The following PRDM6 variants were observed in gnomAD, a reference collection of about 807,000 sequenced individuals.
PRDM6 encodes PR/SET domain 6.
In PRDM6, 25 loss-of-function variants were observed where a neutral mutation model predicts 60.8. The ratio of observed to expected loss-of-function variants is 0.41; its 90% confidence interval spans 0.30 to 0.57. The LOEUF (loss-of-function observed/expected upper bound fraction) is 0.57. Ranked by LOEUF, PRDM6 falls within the 20% of genes least tolerant of loss-of-function variation. The pLI, the probability that PRDM6 is intolerant of heterozygous loss-of-function variation, is 0.27. For synonymous variants in PRDM6, 407 were observed against 357.4 expected, an observed-to-expected ratio of 1.14 and a Z score of -1.57; for missense variants, 839 against 821.3, an observed-to-expected ratio of 1.02 and a Z score of -0.26.
At chr5:123,172,556 G>A (rs1765916782) in intron 6 of PRDM6, among the ~76,000 whole-genome samples, 1 of 152,114 alleles carries the variant, frequency 6.6e-6, no homozygotes, top group Admixed American at 6.5e-5. Flanking sequence ...GCAAGTATAC[G>A]TAGAACCTCA....
chr5:123,153,721 AG>A (rs1378368371), intron 3 of PRDM6, among the ~76,000 whole-genome samples: 11 of 152,242 alleles, frequency 7.2e-5, no homozygotes, highest in Non-Finnish European at 1.3e-4. Flanking sequence ...CTGAAACAAG[AG>A]TGTAGGGGGA....
intron 5 of PRDM6, among the ~76,000 whole-genome samples, chr5:123,162,943 A>G (rs1054210953): frequency 6.6e-6 from 1 of 152,252 alleles, no homozygotes; most frequent in Non-Finnish European, 1.5e-5. Flanking sequence ...GTAAAAGGGC[A>G]TGGGCAGATA....
chr5:123,170,882 A>G lies in PRDM6; in HGVS notation c.1270A>G (p.Thr424Ala), dbSNP rs376133768. The G allele has an allele frequency of 1.9e-4, 293 of 1,551,804 alleles. 1 individual carries two copies. Among genetic ancestry groups the G allele is most frequent in the Non-Finnish European group, 2.4e-4 (279 of 1,147,064 alleles). Residue 424 changes from threonine (T) to alanine (A), a missense_variant, in exon 6 of 8, where the codon ACT becomes GCT. Physicochemically the swap from Thr to Ala is moderately conservative, Grantham distance 58. Around this residue, in one of 2 missense-constraint regions of PRDM6, gnomAD observed 730 missense variants for 648.8 expected, o/e 1.13. Coordinates refer to ENST00000407847, the MANE Select transcript of PRDM6 (RefSeq NM_001136239.4). ...GCAGCGCTCCGTTGTTTTCCCCCAG[A>G]CTCCGTGCAGCAGGAACTTCTCTCT... is the stretch of plus-strand genomic sequence containing the variant. ...TQQRSVVFPQ[T>A]PCSRNFSLLD...
intron 2 of PRDM6, among the ~76,000 whole-genome samples, chr5:123,094,524 T>C (rs1023041610): frequency 3.9e-5 from 6 of 152,148 alleles, no homozygotes; most frequent in Admixed American, 1.3e-4. Context: ...TCTTTCGTTA[T>C]CTAGCGCCCT....
chr5:123,179,786 G>A (rs532253315), intron 6 of PRDM6, among the ~76,000 whole-genome samples: 1 of 152,302 alleles, frequency 6.6e-6, no homozygotes, highest in South Asian at 2.1e-4. Flanking sequence ...AAGCACAAGA[G>A]ACAATTATAT....
At chr5:123,111,221 A>T (rs1189380226) in intron 3 of PRDM6, among the ~76,000 whole-genome samples, 2 of 152,294 alleles carry the variant, frequency 1.3e-5, no homozygotes, top group East Asian at 1.9e-4. Context: ...GCCATAATTT[A>T]AAAAAATCTA....
chr5:123,164,424 G>A (rs1332547810), intron 5 of PRDM6, among the ~76,000 whole-genome samples: 1 of 152,182 alleles, frequency 6.6e-6, no homozygotes, highest in Non-Finnish European at 1.5e-5. Context: ...TGGGGCACTG[G>A]TGAAAACAAA....
At chr5:123,103,954 G>C (rs1764153931) in intron 3 of PRDM6, among the ~76,000 whole-genome samples, 1 of 152,018 alleles carries the variant, frequency 6.6e-6, no homozygotes, top group South Asian at 2.1e-4. Flanking sequence ...ATACTAGAAA[G>C]GGCTTTAATT....
intron 5 of PRDM6, among the ~76,000 whole-genome samples, chr5:123,166,835 C>A (rs1283656768): frequency 1.3e-5 from 2 of 152,230 alleles, no homozygotes; most frequent in Non-Finnish European, 2.9e-5. Context: ...TTGACTGTAT[C>A]CTTTAAGGCT....
intron 3 of PRDM6, among the ~76,000 whole-genome samples, chr5:123,117,862 C>T (rs762776301): frequency 2.4e-4 from 36 of 152,210 alleles, no homozygotes; most frequent in Non-Finnish European, 2.9e-4. Flanking sequence ...GGCGCAGTTC[C>T]GATTTTGGAG....
chr5:123,183,153 G>A (rs534847114), intron 7 of PRDM6, among the ~76,000 whole-genome samples: 7 of 152,268 alleles, frequency 4.6e-5, no homozygotes, highest in African/African-American at 1.2e-4. Flanking sequence ...CAACTAATGG[G>A]TATTGGCTTA....
chr5:123,183,758 G>T lies in PRDM6; in HGVS notation c.1674-3329G>T, dbSNP rs373923326. The stretch of plus-strand genomic sequence containing the variant: ...GGCAGGCAGGAAGGAAGGAAATAAA[G>T]AAGTTAGTTGGCAGTCTAAAAATTA... On this transcript the variant is annotated intron_variant, in intron 7 of 7. Coordinates refer to ENST00000407847, the MANE Select transcript of PRDM6 (RefSeq NM_001136239.4). Among the ~76,000 whole-genome samples the T allele has an allele frequency of 3.9e-5, 6 of 152,150 alleles. No homozygotes were observed. The East Asian group carries it at 1.2e-3, about 29-fold the overall frequency.
intron 3 of PRDM6, among the ~76,000 whole-genome samples, chr5:123,110,002 A>G (rs950666387): frequency 6.6e-6 from 1 of 152,170 alleles, no homozygotes; most frequent in African/African-American, 2.4e-5. Context: ...ATGACAACAA[A>G]TCAACATAGT....
At chr5:123,136,276 C>A (rs1315384344) in intron 3 of PRDM6, among the ~76,000 whole-genome samples, 1 of 152,068 alleles carries the variant, frequency 6.6e-6, no homozygotes, top group African/African-American at 2.4e-5. Flanking sequence ...TGAATATATT[C>A]TTTGGCATGT....
intron 6 of PRDM6, among the ~76,000 whole-genome samples, chr5:123,178,288 A>T (rs1300263964): frequency 2.0e-5 from 3 of 152,212 alleles, no homozygotes; most frequent in African/African-American, 7.2e-5. Context: ...AGGCTAATAA[A>T]TGTTAATGGT....
intron 7 of PRDM6, among the ~76,000 whole-genome samples, chr5:123,181,495 G>A (rs1766160596): frequency 6.6e-6 from 1 of 152,166 alleles, no homozygotes; most frequent in African/African-American, 2.4e-5. Flanking sequence ...AGCATGCATG[G>A]TTGATTGGTG....
At chr5:123,157,803 A>G (rs1765536103) in intron 4 of PRDM6, among the ~76,000 whole-genome samples, 3 of 152,348 alleles carry the variant, frequency 2.0e-5, no homozygotes, top group Non-Finnish European at 1.5e-5. Context: ...TTCAAAGCAC[A>G]CTTGATTGAT....
intron 5 of PRDM6, among the ~76,000 whole-genome samples, chr5:123,161,688 G>A (rs558464420): frequency 6.6e-5 from 10 of 152,344 alleles, no homozygotes; most frequent in African/African-American, 2.2e-4. Context: ...GTGAAGAGGG[G>A]TTAACTTAGA....
chr5:123,089,984 T>G lies in PRDM6; in HGVS notation c.-15-16T>G. 1 of 1,526,388 alleles carries G rather than the reference T, an allele frequency of 6.6e-7. No homozygotes were observed. The highest frequency in any genetic ancestry group is 1.4e-5 in the African/African-American group (1 of 71,312). The allele number at this position is 1,526,388 out of a possible 1,614,324, so 94.6% of individuals were successfully genotyped here. A position where few individuals can be genotyped will look rare whatever the true frequency, so the allele number is the denominator to read the frequency against. On this transcript the variant is annotated splice_polypyrimidine_tract_variant and intron_variant, in intron 1 of 7. Coordinates refer to ENST00000407847, the MANE Select transcript of PRDM6 (RefSeq NM_001136239.4). ...CCCAGCTCACGCGCCCCCTCTTCCCTGCCCTCTGCCCCCAGTTCGAGGCGC... is the reference window on the plus strand; with the variant it reads ...CCCAGCTCACGCGCCCCCTCTTCCCGGCCCTCTGCCCCCAGTTCGAGGCGC...
Sources: gnomAD v4.1 joint callset for allele counts (sites outside exome capture counted in the v4.1 genomes callset) on GRCh38, gnomAD v4.1.1 for gene constraint, gnomAD v4.1.1 regional missense constraint, MANE v1.5 for transcripts, NCBI Gene and HGNC (gene_info 2026-07-23, HGNC 2026-07-21) for gene names.